The following RALYL variants were observed in gnomAD, a reference collection of about 807,000 sequenced individuals.
RALYL encodes RNA-binding Raly-like protein.
A neutral mutation model predicts 35.1 loss-of-function variants in RALYL; 29 were observed. That is an observed-to-expected ratio of 0.83 (90% CI 0.61 to 1.13). The LOEUF (loss-of-function observed/expected upper bound fraction) is 1.13, where lower values mean the gene tolerates loss of function less well. Ranked by LOEUF, RALYL falls within the 50% of genes most tolerant of loss-of-function variation. RALYL has a pLI of 0.00. For missense variants in RALYL, 359 were observed against 360.4 expected, an observed-to-expected ratio of 1.00 and a Z score of 0.03; for synonymous variants, 120 against 127.6, an observed-to-expected ratio of 0.94 and a Z score of 0.40.
intron 1 of RALYL, among the ~76,000 whole-genome samples, chr8:84,429,652 T>C (rs183681734): frequency 7.6e-4 from 115 of 152,212 alleles, no homozygotes; most frequent in African/African-American, 2.7e-3. Flanking sequence ...CTCCCAAACT[T>C]TCATGTTAAT....
At chr8:84,314,120 C>T (rs1243108361) in intron 1 of RALYL, among the ~76,000 whole-genome samples, 1 of 152,084 alleles carries the variant, frequency 6.6e-6, no homozygotes, top group African/African-American at 2.4e-5. Flanking sequence ...AGAGAGAGCG[C>T]AAGTGCAGGG....
At chr8:84,539,677 C>T (rs887404593) in intron 2 of RALYL, among the ~76,000 whole-genome samples, 28 of 151,780 alleles carry the variant, frequency 1.8e-4, no homozygotes, top group African/African-American at 6.8e-4. Flanking sequence ...TTTACTACCT[C>T]TGGAATTGAA....
intron 1 of RALYL, among the ~76,000 whole-genome samples, chr8:84,438,890 T>C (rs895617323): frequency 5.3e-5 from 8 of 152,128 alleles, no homozygotes; most frequent in Admixed American, 1.3e-4. Context: ...ATCAGATGGC[T>C]GTAGGTGTGC....
At chr8:84,887,350 T>C (rs940856079) in intron 7 of RALYL, among the ~76,000 whole-genome samples, 3 of 152,226 alleles carry the variant, frequency 2.0e-5, no homozygotes, top group African/African-American at 7.2e-5. Context: ...CTAATTTATG[T>C]ACTACTACCA....
At chr8:84,821,060 G>A (rs62526862) in intron 4 of RALYL, among the ~76,000 whole-genome samples, 3,012 of 152,164 alleles carry the variant, frequency 0.02, 52 homozygotes, top group South Asian at 0.041. Context: ...CTCAAAGAAA[G>A]CTAATTAAGC....
chr8:84,416,575 T>A (rs2044727488), intron 1 of RALYL, among the ~76,000 whole-genome samples: 1 of 152,192 alleles, frequency 6.6e-6, no homozygotes, highest in Non-Finnish European at 1.5e-5. Flanking sequence ...AACCTTTTTT[T>A]TTCATGTGTA....
chr8:84,619,292 A>G (rs1014310525), intron 2 of RALYL, among the ~76,000 whole-genome samples: 1 of 151,702 alleles, frequency 6.6e-6, no homozygotes, highest in African/African-American at 2.4e-5. Context: ...TTGGGTGCAT[A>G]TATATTTAGG....
intron 1 of RALYL, among the ~76,000 whole-genome samples, chr8:84,410,181 G>T (rs1270932301): frequency 1.3e-5 from 2 of 151,872 alleles, no homozygotes; most frequent in Non-Finnish European, 2.9e-5. Context: ...AAATTTAAGT[G>T]TATATATGCT....
chr8:84,870,543 T>C (rs571246746), intron 6 of RALYL, among the ~76,000 whole-genome samples: 4 of 150,328 alleles, frequency 2.7e-5, no homozygotes, highest in East Asian at 2.0e-4. Flanking sequence ...CCTGTGAAGA[T>C]AGTATTACCA....
intron 3 of RALYL, among the ~76,000 whole-genome samples, chr8:84,791,219 G>C (rs1295724537): frequency 6.6e-6 from 1 of 152,190 alleles, no homozygotes; most frequent in Non-Finnish European, 1.5e-5. Flanking sequence ...CATTTGAGCA[G>C]CCGTGAAGGG....
chr8:84,816,818 A>C (rs553059045), intron 4 of RALYL, among the ~76,000 whole-genome samples: 61 of 152,290 alleles, frequency 4.0e-4, no homozygotes, highest in African/African-American at 1.4e-3. Context: ...TGGATACCGC[A>C]TTCTCCCTGA....
chr8:84,673,768 T>G (rs553602437), intron 2 of RALYL, among the ~76,000 whole-genome samples: 7 of 152,218 alleles, frequency 4.6e-5, no homozygotes, highest in African/African-American at 1.7e-4. Context: ...CCATGCTGCT[T>G]TGGTTAGTCT....
chr8:84,423,098 T>A (rs1230070759), intron 1 of RALYL, among the ~76,000 whole-genome samples: 4 of 150,512 alleles, frequency 2.7e-5, no homozygotes, highest in African/African-American at 9.8e-5. Flanking sequence ...AATTCCTGGG[T>A]ATCCTTGTTG....
intron 7 of RALYL, among the ~76,000 whole-genome samples, chr8:84,880,094 C>T (rs753076668): frequency 1.3e-5 from 2 of 152,048 alleles, no homozygotes; most frequent in Non-Finnish European, 2.9e-5. Flanking sequence ...TGCTAATTAG[C>T]TCTTATTAAA....
chr8:84,620,621 GT>G (rs1821120952), intron 2 of RALYL, among the ~76,000 whole-genome samples: 1 of 152,162 alleles, frequency 6.6e-6, no homozygotes, highest in African/African-American at 2.4e-5. Context: ...ATCCAGTTTT[GT>G]TCCATTGCTG....
At chr8:84,779,241 T>G (rs907856530) in intron 3 of RALYL, among the ~76,000 whole-genome samples, 2 of 152,260 alleles carry the variant, frequency 1.3e-5, no homozygotes, top group Non-Finnish European at 2.9e-5. Context: ...ATGCCAACTT[T>G]CAATTAATGC....
intron 1 of RALYL, among the ~76,000 whole-genome samples, chr8:84,369,302 G>GTATTTATTTATTTATTTATT (rs143936722): frequency 4.6e-5 from 7 of 151,220 alleles, no homozygotes; most frequent in East Asian, 2.0e-4. Flanking sequence ...GAAAAAACTA[G>GTATTTATTTATTTATTTATT]TATTTATTTA....
At chr8:84,541,883 A>G (rs2135261857) in intron 2 of RALYL, among the ~76,000 whole-genome samples, 1 of 151,928 alleles carries the variant, frequency 6.6e-6, no homozygotes, top group East Asian at 1.9e-4. Context: ...CTTCCTCTTG[A>G]TTTGTGTTTG....
rs918526170 is a variant in RALYL, at chr8:84,921,122, T to C, written c.*211T>C. ...AATTGTCAGGTTTTTATGGTTTAAA[T>C]TGTAAATGTGTTTTCCCCTTTGCTA... On this transcript the variant is annotated 3_prime_UTR_variant, in exon 9 of 9. Coordinates refer to ENST00000521268, the MANE Select transcript of RALYL (RefSeq NM_173848.7). The C allele has an allele frequency of 7.0e-5, 27 of 384,202 alleles. No homozygotes were observed. Among genetic ancestry groups the C allele is most frequent in the African/African-American group, 5.4e-4 (26 of 47,720 alleles). The allele number at this position is 384,202 out of a possible 1,614,324, so 23.8% of individuals were successfully genotyped here.
Sources: allele counts gnomAD v4.1 joint callset (sites outside exome capture counted in the v4.1 genomes callset), GRCh38; gene constraint gnomAD v4.1.1; transcripts MANE v1.5; gene names NCBI Gene and HGNC (gene_info 2026-07-23, HGNC 2026-07-21).